Variants in ZDHHC14 observed in about 807,000 individuals in gnomAD.
ZDHHC14 encodes palmitoyltransferase ZDHHC14.
ZDHHC14 carries 16 observed loss-of-function variants against 47.7 expected under a neutral mutation model. The observed-to-expected ratio is 0.34, with a 90% CI of 0.23 to 0.51. ZDHHC14 has a LOEUF of 0.51. Ranked by LOEUF, ZDHHC14 falls within the 20% of genes least tolerant of loss-of-function variation. ZDHHC14 has a pLI of 0.97. For synonymous variants in ZDHHC14, 293 were observed against 278.9 expected (o/e 1.05, Z -0.50); for missense variants, 515 against 662.5 (o/e 0.78, Z 2.44).
chr6:157,381,950 T>C lies in ZDHHC14; in HGVS notation c.-72T>C. 1 of 989,096 alleles carries C rather than the reference T, an allele frequency of 1.0e-6. No homozygotes were observed. The highest frequency in any genetic ancestry group is 1.2e-6 in the Non-Finnish European group (1 of 834,106). The allele number at this position is 989,096 out of a possible 1,614,324, so 61.3% of individuals were successfully genotyped here. On this transcript the variant is annotated 5_prime_UTR_variant, in exon 1 of 9. Coordinates refer to ENST00000359775, the MANE Select transcript of ZDHHC14 (RefSeq NM_024630.3). ...GGGGCGGCCGGGCGGCCGGCGGCGG[T>C]CGTGGCTCGGCGGGGCCCGCGCGGC... is the stretch of plus-strand genomic sequence containing the variant.
chr6:157,638,007 C>T lies in ZDHHC14; in HGVS notation c.752+5125C>T, dbSNP rs939737842. Among the ~76,000 whole-genome samples the T allele has an allele frequency of 3.9e-5, 6 of 152,080 alleles. No homozygotes were observed. In the South Asian group the frequency reaches 6.2e-4, roughly 16 times the overall value. ...CAGCAGAACTTTAGGAGAAAGGAACCGAGTAGCTTCTACTGTAAGTAAGCC... is the reference window on the plus strand; with the variant it reads ...CAGCAGAACTTTAGGAGAAAGGAACTGAGTAGCTTCTACTGTAAGTAAGCC... On this transcript the variant is annotated intron_variant, in intron 5 of 8. Coordinates refer to ENST00000359775, the MANE Select transcript of ZDHHC14 (RefSeq NM_024630.3).
At chr6:157,636,978 AG>A (rs1777018875) in intron 5 of ZDHHC14, among the ~76,000 whole-genome samples, 1 of 152,206 alleles carries the variant, frequency 6.6e-6, no homozygotes, top group Non-Finnish European at 1.5e-5. Flanking sequence ...CTTGGAGAAG[AG>A]TTCCTCCTCC....
chr6:157,450,999 TG>T (rs1397771212), intron 1 of ZDHHC14, among the ~76,000 whole-genome samples: 2 of 38,938 alleles, frequency 5.1e-5, no homozygotes, highest in Non-Finnish European at 1.4e-4. Flanking sequence ...AGTCTGGTCT[TG>T]TGTGTGTGTG....
chr6:157,585,437 A>G (rs1169102653), intron 2 of ZDHHC14, among the ~76,000 whole-genome samples: 2 of 150,926 alleles, frequency 1.3e-5, no homozygotes, highest in Admixed American at 1.3e-4. Flanking sequence ...AAAACCCAAA[A>G]CCAGAAAAAT....
At chr6:157,646,909 T>G (rs191952756) in intron 6 of ZDHHC14, among the ~76,000 whole-genome samples, 35 of 152,294 alleles carry the variant, frequency 2.3e-4, no homozygotes, top group Non-Finnish European at 4.3e-4. Context: ...GTCTGTAAAT[T>G]AGCAATTAGG....
intron 1 of ZDHHC14, among the ~76,000 whole-genome samples, chr6:157,510,351 G>C (rs1459230534): frequency 6.6e-6 from 1 of 152,184 alleles, no homozygotes; most frequent in Non-Finnish European, 1.5e-5. Flanking sequence ...TCCCTGAAAA[G>C]AATGTTCCAG....
intron 1 of ZDHHC14, among the ~76,000 whole-genome samples, chr6:157,450,488 C>T (rs572939255): frequency 6.9e-6 from 1 of 145,202 alleles, no homozygotes; most frequent in East Asian, 2.0e-4. Context: ...GCACTCCAGC[C>T]TGGGGGTTAG....
chr6:157,396,155 T>A (rs1033300906), intron 1 of ZDHHC14, among the ~76,000 whole-genome samples: 1 of 152,070 alleles, frequency 6.6e-6, no homozygotes, highest in Non-Finnish European at 1.5e-5. Flanking sequence ...CACCCCTCCC[T>A]GGGTTAGTGA....
chr6:157,668,742 A>G (rs1778663728), intron 8 of ZDHHC14, among the ~76,000 whole-genome samples: 1 of 152,110 alleles, frequency 6.6e-6, no homozygotes, highest in Non-Finnish European at 1.5e-5. Flanking sequence ...CTTAGGCTAA[A>G]CTTCTTCTTT....
At chr6:157,590,929 A>T (rs1295318175) in intron 2 of ZDHHC14, among the ~76,000 whole-genome samples, 1 of 152,262 alleles carries the variant, frequency 6.6e-6, no homozygotes, top group African/African-American at 2.4e-5. Context: ...CATGACCTGC[A>T]TGTGAGACAT....
chr6:157,452,733 C>A (rs1292977957), intron 1 of ZDHHC14, among the ~76,000 whole-genome samples: 1 of 113,870 alleles, frequency 8.8e-6, no homozygotes, highest in Admixed American at 1.2e-4. Context: ...GACGGAGTCT[C>A]ACTCTGTCAC....
intron 2 of ZDHHC14, among the ~76,000 whole-genome samples, chr6:157,545,689 A>G (rs2886420): frequency 0.41 from 61,239 of 151,076 alleles, 12,510 homozygotes; most frequent in Admixed American, 0.45. Flanking sequence ...GAAAAAAAAA[A>G]GTAGAAGGAG....
chr6:157,599,952 A>G (rs1464262943), intron 3 of ZDHHC14, among the ~76,000 whole-genome samples: 1 of 152,256 alleles, frequency 6.6e-6, no homozygotes, highest in African/African-American at 2.4e-5. Context: ...GAAAAATCTC[A>G]GTGAAACATG....
Position 157,391,241 on chromosome 6 carries a change from G to A in ZDHHC14, c.245+8975G>A, listed in dbSNP as rs145034804. ...ATTTCTGTTTTTCAGCCTGACTGCC[G>A]GCTTTTTGGGTCACTGGGGAGTTGT... On this transcript the variant is annotated intron_variant, in intron 1 of 8. Transcript: ENST00000359775. Among the ~76,000 whole-genome samples, 552 of 152,220 alleles carry A rather than the reference G, an allele frequency of 3.6e-3. 3 individuals carry two copies. Among genetic ancestry groups the A allele is most frequent in the African/African-American group, 0.011 (463 of 41,522 alleles).
Position 157,582,942 on chromosome 6 carries a change from G to A in ZDHHC14, c.407-10046G>A, listed in dbSNP as rs189988994. Among the ~76,000 whole-genome samples, 17 of 151,484 alleles carry A rather than the reference G, an allele frequency of 1.1e-4. No homozygotes were observed. The East Asian group carries it at 1.4e-3, about 12-fold the overall frequency. ...TATTCATTCTTTTTACTTTATTTTCGTCTAACTGAGTTATTTCAGAGCCAG... is the reference window on the plus strand; with the variant it reads ...TATTCATTCTTTTTACTTTATTTTCATCTAACTGAGTTATTTCAGAGCCAG... On this transcript the variant is annotated intron_variant, in intron 2 of 8. Coordinates refer to ENST00000359775, the MANE Select transcript of ZDHHC14 (RefSeq NM_024630.3). The surrounding 1 kb of genome is among the most constrained non-coding windows in gnomAD (Gnocchi z 4.3).
At chr6:157,508,171 G>T (rs572994790) in intron 1 of ZDHHC14, among the ~76,000 whole-genome samples, 9 of 152,274 alleles carry the variant, frequency 5.9e-5, no homozygotes, top group African/African-American at 2.2e-4. Flanking sequence ...TGGAGGTTTT[G>T]TTTTCTCAAA....
chr6:157,513,029 A>C (rs1437620275), intron 1 of ZDHHC14, among the ~76,000 whole-genome samples: 2 of 152,254 alleles, frequency 1.3e-5, no homozygotes, highest in Non-Finnish European at 2.9e-5. Context: ...TATCACTCTC[A>C]TATCAGTGTT....
chr6:157,443,958 A>G (rs1474301359), intron 1 of ZDHHC14, among the ~76,000 whole-genome samples: 1 of 152,166 alleles, frequency 6.6e-6, no homozygotes, highest in African/African-American at 2.4e-5. Flanking sequence ...GTAAATGAAT[A>G]TGGTATTGTT....
intron 2 of ZDHHC14, among the ~76,000 whole-genome samples, chr6:157,567,276 T>C (rs1162957571): frequency 6.6e-6 from 1 of 152,114 alleles, no homozygotes; most frequent in Non-Finnish European, 1.5e-5. Flanking sequence ...GTGATCTAAT[T>C]GGATCTTGTA....
Sources: gnomAD v4.1 joint callset for allele counts (sites outside exome capture counted in the v4.1 genomes callset) on GRCh38, gnomAD v4.1.1 for gene constraint, Gnocchi (gnomAD v3.1) non-coding constraint, MANE v1.5 for transcripts, NCBI Gene and HGNC (gene_info 2026-07-23, HGNC 2026-07-21) for gene names.